The following SLC27A3 variants were observed in gnomAD, a reference collection of about 807,000 sequenced individuals.
The protein encoded by SLC27A3 is solute carrier family 27 member 3, also known as long-chain fatty acid transport protein 3.
A neutral mutation model predicts 60.1 loss-of-function variants in SLC27A3; 60 were observed. The observed-to-expected ratio is 1.00, with a 90% CI of 0.81 to 1.24. The LOEUF is 1.24. Among genes scored for constraint, SLC27A3 ranks in the 50% most tolerant of loss-of-function variants. The probability of loss-of-function intolerance (pLI) is 0.00; values close to 1 mark genes in which losing one functional copy is unlikely to be tolerated. For synonymous variants in SLC27A3, 455 were observed against 409.0 expected, an observed-to-expected ratio of 1.11 and a Z score of -1.36; for missense variants, 1,079 against 929.9, an observed-to-expected ratio of 1.16 and a Z score of -2.09.
chr1:153,776,108 G>GCC lies in SLC27A3; in HGVS notation c.615_616dup (p.Leu206ProfsTer31). 6.8e-7 allele frequency: 1 copy of GCC among 1,472,478 alleles called. No individual in the cohort carries two copies. Among genetic ancestry groups the GCC allele is most frequent in the Non-Finnish European group, 8.9e-7 (1 of 1,126,048 alleles). 91.2% of individuals were successfully genotyped at this position (1,472,478 alleles called of 1,614,324 possible). On this transcript the variant is annotated frameshift_variant, in exon 1 of 10. Transcript: ENST00000624995. LOFTEE classifies it high-confidence loss of function. ...TTTGTGCCCACCGCCCTGCGCCGGG[G>GCC]CCCCCTGCTGCACTGCCTCCGCAGC...
In SLC27A3 at chr1:153,779,383, TC is replaced by T. The variant is rs572408453; in HGVS notation, c.1792del (p.His598ThrfsTer65). ...RAGMAALVLR[P>X]PHALDLMQLY... Reference sequence around the variant, plus strand: ...CTGGAATGGCAGCCCTAGTTCTGCGTCCCCCCCACGCTTTGGACCTTATGCA... The same window carrying T: ...CTGGAATGGCAGCCCTAGTTCTGCGTCCCCCCACGCTTTGGACCTTATGCA... On this transcript the variant is annotated frameshift_variant, in exon 9 of 10. Coordinates refer to ENST00000624995, the MANE Select transcript of SLC27A3 (RefSeq NM_024330.4). LOFTEE classifies it high-confidence loss of function. 607 of 1,613,494 alleles carry T rather than the reference TC, an allele frequency of 3.8e-4. 2 individuals are homozygous for T. In the Middle Eastern group the frequency reaches 5.6e-3, roughly 15 times the overall value.
intron 9 of SLC27A3, 101 bp from the exon 10 acceptor site, chr1:153,779,725 C>A: frequency 8.3e-7 from 1 of 1,202,930 alleles, no homozygotes; most frequent in Non-Finnish European, 1.2e-6. Context: ...ACCTCACACT[C>A]CCTTTCCCAA....
chr1:153,778,753 C>T lies in SLC27A3; in HGVS notation c.1514C>T (p.Pro505Leu), dbSNP rs1270591468. 2.5e-6 allele frequency: 4 copies of T among 1,613,994 alleles called. No individual in the cohort carries two copies. Among genetic ancestry groups the T allele is most frequent in the African/African-American group, 1.3e-5 (1 of 75,028 alleles). The change falls in exon 7 of 10, where the codon CCA (proline) becomes CTA (leucine). Residue 505 changes from proline to leucine, a missense_variant. By Grantham distance (98) the Pro-to-Leu change is moderately conservative (BLOSUM62 -3). Coordinates refer to ENST00000624995, the MANE Select transcript of SLC27A3 (RefSeq NM_024330.4). ...CCATTCCTGGGCTATGCTGGCGGGC[C>T]AGAGCTGGCCCAGGGGAAGTTGCTA... ...QSPFLGYAGGPELAQGKLLKD... is the reference protein window; with the variant it reads ...QSPFLGYAGGLELAQGKLLKD...
In SLC27A3 at chr1:153,780,133, C is replaced by A; in HGVS notation, c.*131C>A. ...TATTTTGTAATAAATGTGGCTGGAGCTGATCCAGCTGTCTCTGACCTACAG... is the reference window on the plus strand; with the variant it reads ...TATTTTGTAATAAATGTGGCTGGAGATGATCCAGCTGTCTCTGACCTACAG... On this transcript the variant is annotated 3_prime_UTR_variant, in exon 10 of 10. Transcript: ENST00000624995. 1 of 776,308 alleles carries A rather than the reference C, an allele frequency of 1.3e-6. No individual in the cohort carries two copies. Among genetic ancestry groups the A allele is most frequent in the Non-Finnish European group, 2.0e-6 (1 of 494,028 alleles). 48.1% of individuals were successfully genotyped at this position (776,308 alleles called of 1,614,324 possible).
chr1:153,775,856 G>C lies in SLC27A3; in HGVS notation c.359G>C (p.Gly120Ala). The C allele has an allele frequency of 6.7e-7, 1 of 1,492,550 alleles. No individual in the cohort carries two copies. Among genetic ancestry groups the C allele is most frequent in the South Asian group, 1.3e-5 (1 of 74,894 alleles). 92.5% of individuals were successfully genotyped at this position (1,492,550 alleles called of 1,614,324 possible). A position where few individuals can be genotyped will look rare whatever the true frequency, so the allele number is the denominator to read the frequency against. ...ALGWDWGPDG[G>A]DSGEGSAGEG... ...GGCTGGGACTGGGGACCCGACGGCG[G>C]CGACAGCGGCGAGGGGAGCGCTGGA... The change falls in exon 1 of 10, where the codon GGC becomes GCC. Residue 120 changes from glycine (G) to alanine (A), a missense_variant. Gly to Ala is a moderately conservative substitution (Grantham distance 60). Transcript: ENST00000624995.
At position 153,775,747 on chromosome 1, in the gene SLC27A3, C is replaced by T. The variant is rs1392680245; in HGVS notation, c.250C>T (p.Leu84Phe). The T allele has an allele frequency of 3.3e-6, 5 of 1,513,732 alleles. No homozygotes were observed. The highest frequency in any genetic ancestry group is 4.4e-6 in the Non-Finnish European group (5 of 1,135,236). The allele number at this position is 1,513,732 out of a possible 1,614,324, so 93.8% of individuals were successfully genotyped here. Residue 84 changes from leucine (L) to phenylalanine (F), a missense_variant, in exon 1 of 10, where the codon CTC becomes TTC. Leu to Phe is a conservative substitution (Grantham distance 22). Transcript: ENST00000624995. Reference protein sequence around the residue: ...LAQQRAAHTFLIHGSRRFSYS... With the variant: ...LAQQRAAHTFFIHGSRRFSYS... ...CCAGCAGCGCGCCGCGCACACCTTT[C>T]TCATTCACGGCTCGCGGCGCTTTAG...
rs568906999 is a variant in SLC27A3 at position 153,776,151 on chromosome 1, G to C, written c.654G>C (p.Leu218=). 11 of 1,422,722 alleles carry C rather than the reference G, an allele frequency of 7.7e-6. No homozygotes were observed. In the Admixed American group the frequency reaches 1.0e-4, roughly 13 times the overall value. 88.1% of individuals were successfully genotyped at this position (1,422,722 alleles called of 1,614,324 possible). Residue 218 remains leucine, a synonymous_variant, in exon 1 of 10, where the codon CTG becomes CTC. Transcript: ENST00000624995. ...HCLRSCGARA[L]VLAPEFLESL... ...TCCGCAGCTGCGGCGCGCGCGCGCT[G>C]GTGCTGGCGCCAGGTAAGGCTGGAG...
intron 4 of SLC27A3, 102 bp from the exon 5 acceptor site, chr1:153,778,059 G>A (rs1673322980): frequency 1.3e-6 from 2 of 1,483,366 alleles, no homozygotes; most frequent in East Asian, 2.3e-5. Context: ...CTCTGAAGGA[G>A]GTCACAGTAG....
Position 153,778,326 on chromosome 1 carries a change from G to A in SLC27A3, c.1327G>A (p.Ala443Thr), listed in dbSNP as rs150774960. 127 of 1,614,120 alleles carry A rather than the reference G, an allele frequency of 7.9e-5. 1 individual carries two copies. The Middle Eastern group carries it at 3.3e-3, about 42-fold the overall frequency. ...ATINYTGQRG[A>T]VGRASWLYKH... Reference sequence around the variant, plus strand: ...CATCAACTACACAGGACAGCGGGGCGCTGTGGGGCGTGCTTCCTGGCTTTA... The same window carrying A: ...CATCAACTACACAGGACAGCGGGGCACTGTGGGGCGTGCTTCCTGGCTTTA... Residue 443 changes from alanine to threonine, a missense_variant, in exon 5 of 10, where the codon GCT becomes ACT. Ala to Thr is a moderately conservative substitution (Grantham distance 58). Coordinates refer to ENST00000624995, the MANE Select transcript of SLC27A3 (RefSeq NM_024330.4).
At chr1:153,778,980 G>C (rs545152542) in intron 7 of SLC27A3, 95 bp downstream of exon 7, 1 of 1,462,684 alleles carries the variant, frequency 6.8e-7, no homozygotes, top group African/African-American at 1.4e-5. Flanking sequence ...CCTCAACCTG[G>C]GTCCTAAGCT....
rs1673233479 is a variant in SLC27A3 at position 153,776,547 on chromosome 1, C to G, written c.697C>G (p.Pro233Ala). The G allele has an allele frequency of 6.2e-7, 1 of 1,613,996 alleles. No homozygotes were observed. The highest frequency in any genetic ancestry group is 8.5e-7 in the Non-Finnish European group (1 of 1,180,020). The change falls in exon 2 of 10, where the codon CCC becomes GCC. Residue 233 changes from proline to alanine, a missense_variant. Coordinates refer to ENST00000624995, the MANE Select transcript of SLC27A3 (RefSeq NM_024330.4). ...EFLESLEPDL[P>A]ALRAMGLHLW... ...TCTGGAGTCCCTGGAGCCGGACCTG[C>G]CCGCCCTGAGAGCCATGGGGCTCCA...
In SLC27A3 at chr1:153,775,495, T is replaced by C. The variant is rs756882168; in HGVS notation, c.-3T>C. The C allele has an allele frequency of 3.8e-5, 62 of 1,613,142 alleles. No individual in the cohort carries two copies. The Admixed American group carries it at 1.0e-3, about 26-fold the overall frequency. On this transcript the variant is annotated 5_prime_UTR_variant, in exon 1 of 10. Coordinates refer to ENST00000624995, the MANE Select transcript of SLC27A3 (RefSeq NM_024330.4). Reference sequence around the variant, plus strand: ...GACGGTGCCGATAGAGGAAGCGGGCTCCATGGCTGCCCTCCTGCTGCTGCC... The same window carrying C: ...GACGGTGCCGATAGAGGAAGCGGGCCCCATGGCTGCCCTCCTGCTGCTGCC...
chr1:153,775,613 C>G lies in SLC27A3; in HGVS notation c.116C>G (p.Ala39Gly). ...GCGGACTTGGCCTTTGCGGTGCGAG[C>G]TCTGTGCTGCAAAAGGGCTCTTCGA... is the stretch of plus-strand genomic sequence containing the variant. Reference protein sequence around the residue: ...LPADLAFAVRALCCKRALRAR... With the variant: ...LPADLAFAVRGLCCKRALRAR... Residue 39 changes from alanine (A) to glycine (G), a missense_variant, in exon 1 of 10, where the codon GCT becomes GGT. Physicochemically the swap from Ala to Gly is moderately conservative, Grantham distance 60. Transcript: ENST00000624995. 6.3e-7 allele frequency: 1 copy of G among 1,583,846 alleles called. No individual in the cohort carries two copies. Among genetic ancestry groups the G allele is most frequent in the Non-Finnish European group, 8.6e-7 (1 of 1,167,566 alleles).
Position 153,780,114 on chromosome 1 carries a change from G to T in SLC27A3, c.*112G>T. 1 of 937,738 alleles carries T rather than the reference G, an allele frequency of 1.1e-6. No individual in the cohort carries two copies. The highest frequency in any genetic ancestry group is 1.6e-6 in the Non-Finnish European group (1 of 633,548). 58.1% of individuals were successfully genotyped at this position (937,738 alleles called of 1,614,324 possible). On this transcript the variant is annotated 3_prime_UTR_variant, in exon 10 of 10. Transcript: ENST00000624995. ...ATACCAGAACTGCGGTCACTATTTT[G>T]TAATAAATGTGGCTGGAGCTGATCC...
Position 153,778,344 on chromosome 1 carries a change from T to G in SLC27A3, c.1345T>G (p.Trp449Gly). 2 of 1,614,056 alleles carry G rather than the reference T, an allele frequency of 1.2e-6. No individual in the cohort carries two copies. Residue 449 changes from tryptophan (W) to glycine (G), a missense_variant, in exon 5 of 10, where the codon TGG (tryptophan) becomes GGG (glycine). Coordinates refer to ENST00000624995, the MANE Select transcript of SLC27A3 (RefSeq NM_024330.4). ...GCGGGGCGCTGTGGGGCGTGCTTCC[T>G]GGCTTTACAAGGTGAGGGGCAGAGA... ...GQRGAVGRAS[W>G]LYKHIFPFSL...
Position 153,777,883 on chromosome 1 carries a change from C to T in SLC27A3, c.1159C>T (p.Pro387Ser), listed in dbSNP as rs772935114. Reference sequence around the variant, plus strand: ...GTGCCGATACCTTGTCAACCAGCCCCCGGTGCGTGGGCACAGATCCTGGGC... The same window carrying T: ...GTGCCGATACCTTGTCAACCAGCCCTCGGTGCGTGGGCACAGATCCTGGGC... ...ELCRYLVNQP[P>S]SKAERGHKVR... Residue 387 changes from proline (P) to serine (S), a missense_variant and splice_region_variant, in exon 4 of 10, where the codon CCG (proline) becomes TCG (serine). Physicochemically the swap from Pro to Ser is moderately conservative, Grantham distance 74. Coordinates refer to ENST00000624995, the MANE Select transcript of SLC27A3 (RefSeq NM_024330.4). 3 of 1,614,196 alleles carry T rather than the reference C, an allele frequency of 1.9e-6. No individual in the cohort carries two copies. Among genetic ancestry groups the T allele is most frequent in the East Asian group, 2.2e-5 (1 of 44,886 alleles).
Position 153,776,733 on chromosome 1 carries a change from G to C in SLC27A3, c.877+6G>C. 1 of 1,613,940 alleles carries C rather than the reference G, an allele frequency of 6.2e-7. No homozygotes were observed. Among genetic ancestry groups the C allele is most frequent in the Non-Finnish European group, 8.5e-7 (1 of 1,179,884 alleles). Reference sequence around the variant, plus strand: ...CTTCACCTCTGGCACCACGGGTGAGGGCCGGGCACCATACTTAGCTCCCCG... The same window carrying C: ...CTTCACCTCTGGCACCACGGGTGAGCGCCGGGCACCATACTTAGCTCCCCG... On this transcript the variant is annotated splice_donor_region_variant and intron_variant, in intron 2 of 9. Transcript: ENST00000624995.
Position 153,778,903 on chromosome 1 carries a change from G to GT in SLC27A3, c.1646+23dup, listed in dbSNP as rs150409362. ...ACCTTCAGGTATCTGTCCATAACTG[G>GT]TTTTTCATCCTGGACATCTGATCTC... On this transcript the variant is annotated intron_variant, in intron 7 of 9. Coordinates refer to ENST00000624995, the MANE Select transcript of SLC27A3 (RefSeq NM_024330.4). The GT allele has an allele frequency of 1.9e-6, 3 of 1,611,898 alleles. No homozygotes were observed. The highest frequency in any genetic ancestry group is 2.7e-5 in the African/African-American group (2 of 74,830).
At position 153,776,163 on chromosome 1, in the gene SLC27A3, A is replaced by G. The variant is rs1448115214; in HGVS notation, c.666A>G (p.Pro222=). Residue 222 remains proline (P), a splice_region_variant and synonymous_variant, in exon 1 of 10, where the codon CCA becomes CCG. Transcript: ENST00000624995. ...SCGARALVLA[P]EFLESLEPDL... ...GCGCGCGCGCGCTGGTGCTGGCGCCAGGTAAGGCTGGAGCTCCGAACTGAC... is the reference window on the plus strand; with the variant it reads ...GCGCGCGCGCGCTGGTGCTGGCGCCGGGTAAGGCTGGAGCTCCGAACTGAC... 5 of 1,417,220 alleles carry G rather than the reference A, an allele frequency of 3.5e-6. No individual in the cohort carries two copies. Among genetic ancestry groups the G allele is most frequent in the African/African-American group, 1.5e-5 (1 of 67,052 alleles). 87.8% of individuals were successfully genotyped at this position (1,417,220 alleles called of 1,614,324 possible). A position where few individuals can be genotyped will look rare whatever the true frequency, so the allele number is the denominator to read the frequency against.
Sources: gnomAD v4.1 joint callset for allele counts on GRCh38, gnomAD v4.1.1 for gene constraint, MANE v1.5 for transcripts, NCBI Gene and HGNC (gene_info 2026-07-23, HGNC 2026-07-21) for gene names.